The following TMEM132D variants were observed in gnomAD, a reference collection of about 807,000 sequenced individuals.
TMEM132D encodes transmembrane protein 132D.
In TMEM132D, 21 loss-of-function variants were observed where a neutral mutation model predicts 62.3. The ratio of observed to expected loss-of-function variants is 0.34; its 90% CI spans 0.24 to 0.49. TMEM132D has a LOEUF of 0.49. Ranked by LOEUF, TMEM132D falls within the 20% of genes least tolerant of loss-of-function variation. The pLI, the probability that TMEM132D is intolerant of heterozygous loss-of-function variation, is 0.99. For missense variants in TMEM132D, 1,346 were observed against 1,402.8 expected (o/e 0.96, Z 0.65); for synonymous variants, 621 against 575.6 (o/e 1.08, Z -1.13).
At chr12:129,129,710 G>T (rs1876316245) in intron 5 of TMEM132D, among the ~76,000 whole-genome samples, 1 of 152,098 alleles carries the variant, frequency 6.6e-6, no homozygotes, top group African/African-American at 2.4e-5. Context: ...AAATCTCATT[G>T]TGGCTTTGAC....
intron 1 of TMEM132D, among the ~76,000 whole-genome samples, chr12:129,747,801 A>G (rs1434156250): frequency 6.7e-6 from 1 of 149,252 alleles, no homozygotes; most frequent in Non-Finnish European, 1.5e-5. Flanking sequence ...ACACAGACAC[A>G]TTTGATACAC....
intron 6 of TMEM132D, among the ~76,000 whole-genome samples, chr12:129,083,472 G>A (rs1593253968): frequency 2.0e-5 from 3 of 152,200 alleles, no homozygotes; most frequent in South Asian, 4.2e-4. Flanking sequence ...AGCGCCAACG[G>A]TCATTCTCTA....
At chr12:129,840,940 G>A (rs151112610) in intron 1 of TMEM132D, among the ~76,000 whole-genome samples, 12 of 152,220 alleles carry the variant, frequency 7.9e-5, no homozygotes, top group African/African-American at 2.7e-4. Flanking sequence ...AATGGTTATC[G>A]TCACTGATGA....
chr12:129,246,308 A>T (rs2135587573), intron 4 of TMEM132D, among the ~76,000 whole-genome samples: 1 of 152,332 alleles, frequency 6.6e-6, no homozygotes, highest in South Asian at 2.1e-4. Context: ...CCACGAGAAG[A>T]GAAAGGCGGA....
At chr12:129,570,748 G>A (rs1446547535) in intron 2 of TMEM132D, among the ~76,000 whole-genome samples, 1 of 152,218 alleles carries the variant, frequency 6.6e-6, no homozygotes, top group South Asian at 2.1e-4. Context: ...GTTGTTATTC[G>A]TATTTATTTC....
At position 129,831,876 on chromosome 12, in the gene TMEM132D, CT is replaced by C. The variant is rs71085576; in HGVS notation, c.79+71384del. ...CTTTTCTTTTTCTTTCTTTCTTTTT[CT>C]TTTTTTTTTTTGAGACTGAGTCTTG... is the stretch of plus-strand genomic sequence containing the variant. On this transcript the variant is annotated intron_variant, in intron 1 of 8. Transcript: ENST00000422113. 6.8e-3 allele frequency among the ~76,000 whole-genome samples: 915 copies of C among 134,876 alleles called. 12 individuals carry two copies. The highest frequency in any genetic ancestry group is 0.024 in the African/African-American group (860 of 36,212). The allele number at this position is 134,876 out of a possible 152,430, so 88.5% of individuals were successfully genotyped here. A position where few individuals can be genotyped will look rare whatever the true frequency, so the allele number is the denominator to read the frequency against.
At chr12:129,823,943 T>C (rs190534778) in intron 1 of TMEM132D, among the ~76,000 whole-genome samples, 12 of 152,264 alleles carry the variant, frequency 7.9e-5, no homozygotes, top group Admixed American at 7.8e-4. Context: ...CTAACATGAA[T>C]AGAGGCCTTA....
chr12:129,655,271 G>T (rs765012720), intron 2 of TMEM132D, among the ~76,000 whole-genome samples: 11 of 128,762 alleles, frequency 8.5e-5, no homozygotes, highest in Non-Finnish European at 1.3e-4. Context: ...TTTTGAGAAT[G>T]AGTCTCACTC....
At chr12:129,836,713 G>A (rs910819220) in intron 1 of TMEM132D, among the ~76,000 whole-genome samples, 1 of 151,788 alleles carries the variant, frequency 6.6e-6, no homozygotes, top group Non-Finnish European at 1.5e-5. Context: ...ATCATAAAAA[G>A]GGCCCCCAAA....
intron 4 of TMEM132D, among the ~76,000 whole-genome samples, chr12:129,327,094 G>T (rs1366709671): frequency 6.6e-6 from 1 of 152,134 alleles, no homozygotes; most frequent in Non-Finnish European, 1.5e-5. Flanking sequence ...ACAATAGTAG[G>T]TGCTTCTGAT....
At chr12:129,688,225 C>A (rs1418651051) in intron 2 of TMEM132D, among the ~76,000 whole-genome samples, 1 of 152,160 alleles carries the variant, frequency 6.6e-6, no homozygotes, top group African/African-American at 2.4e-5. Context: ...ATCAATCATA[C>A]AGGAGAGAGA....
At chr12:129,902,138 C>T (rs1875379104) in intron 1 of TMEM132D, among the ~76,000 whole-genome samples, 1 of 152,202 alleles carries the variant, frequency 6.6e-6, no homozygotes, top group Non-Finnish European at 1.5e-5. Flanking sequence ...GGCATTTCAA[C>T]TGTCTTCATC....
chr12:129,471,501 C>T (rs1874091560), intron 3 of TMEM132D, among the ~76,000 whole-genome samples: 1 of 152,184 alleles, frequency 6.6e-6, no homozygotes, highest in Non-Finnish European at 1.5e-5. Context: ...CTCCATCCTT[C>T]TCCCTCTCCT....
At chr12:129,638,261 CA>C (rs1879539240) in intron 2 of TMEM132D, among the ~76,000 whole-genome samples, 1 of 152,098 alleles carries the variant, frequency 6.6e-6, no homozygotes, top group Non-Finnish European at 1.5e-5. Context: ...TTCACCATAT[CA>C]CATGGGAAGC....
At chr12:129,175,545 A>G (rs1392035124) in intron 5 of TMEM132D, among the ~76,000 whole-genome samples, 3 of 152,216 alleles carry the variant, frequency 2.0e-5, no homozygotes, top group Admixed American at 6.5e-5. Flanking sequence ...TCTACTAAAA[A>G]CACACAAACA....
chr12:129,332,069 G>A (rs1869122059), intron 4 of TMEM132D, among the ~76,000 whole-genome samples: 1 of 152,152 alleles, frequency 6.6e-6, no homozygotes, highest in East Asian at 1.9e-4. Flanking sequence ...AATTAGCTGG[G>A]CTAATATCTG....
At chr12:129,776,997 G>T (rs1472767509) in intron 1 of TMEM132D, among the ~76,000 whole-genome samples, 2 of 152,076 alleles carry the variant, frequency 1.3e-5, no homozygotes, top group Non-Finnish European at 2.9e-5. Flanking sequence ...ATTAACAAAG[G>T]TGTTGTTAAA....
At chr12:129,257,901 T>C (rs1294133527) in intron 4 of TMEM132D, among the ~76,000 whole-genome samples, 1 of 152,146 alleles carries the variant, frequency 6.6e-6, no homozygotes, top group Non-Finnish European at 1.5e-5. Flanking sequence ...CAACACCTGG[T>C]GTCAGAGGCT....
intron 1 of TMEM132D, among the ~76,000 whole-genome samples, chr12:129,896,469 CG>C (rs1201568591): frequency 2.6e-5 from 4 of 152,182 alleles, no homozygotes; most frequent in Admixed American, 6.5e-5. Context: ...CTTTGAGTCT[CG>C]GCAGGCTATT....
Sources: allele counts gnomAD v4.1 joint callset (sites outside exome capture counted in the v4.1 genomes callset), GRCh38; gene constraint gnomAD v4.1.1; transcripts MANE v1.5; gene names NCBI Gene and HGNC (gene_info 2026-07-23, HGNC 2026-07-21).